CCDC7: variants seen among roughly 807,000 people sequenced by gnomAD.
The protein encoded by CCDC7 is coiled-coil domain-containing protein 7.
In CCDC7, 183 loss-of-function variants were observed where a neutral mutation model predicts 196.9. The ratio of observed to expected loss-of-function variants is 0.93; its 90% CI spans 0.82 to 1.05. The LOEUF (loss-of-function observed/expected upper bound fraction) is 1.05. Ranked by LOEUF, CCDC7 falls within the 50% of genes least tolerant of loss-of-function variation. The pLI, the probability that CCDC7 is intolerant of heterozygous loss-of-function variation, is 0.00. For missense variants in CCDC7, 1,540 were observed against 1,482.2 expected (o/e 1.04, Z -0.64); for synonymous variants, 525 against 484.6 (o/e 1.08, Z -1.10).
At chr10:32,494,627 T>C (rs546682370) in intron 9 of CCDC7, among the ~76,000 whole-genome samples, 1 of 152,282 alleles carries the variant, frequency 6.6e-6, no homozygotes, top group African/African-American at 2.4e-5. Flanking sequence ...CTCCCACTTA[T>C]GAGCGAGAAC....
At chr10:32,842,139 A>T (rs2093015143) in intron 33 of CCDC7, among the ~76,000 whole-genome samples, 1 of 152,136 alleles carries the variant, frequency 6.6e-6, no homozygotes, top group Non-Finnish European at 1.5e-5. Flanking sequence ...ACAGCAAAAG[A>T]AATTATCAGC....
intron 28 of CCDC7, among the ~76,000 whole-genome samples, chr10:32,774,290 C>CT (rs764117469): frequency 8.7e-4 from 127 of 145,708 alleles, no homozygotes; most frequent in East Asian, 1.2e-3. Context: ...GAACCTTCCC[C>CT]TTTTTTTTTT....
At chr10:32,818,839 C>G in intron 31 of CCDC7, among the ~76,000 whole-genome samples, 1 of 152,114 alleles carries the variant, frequency 6.6e-6, no homozygotes, top group Non-Finnish European at 1.5e-5. Flanking sequence ...ATTTATAGCA[C>G]TAATACCCAC....
chr10:32,804,686 G>A (rs1281853362), intron 29 of CCDC7, among the ~76,000 whole-genome samples: 1 of 152,076 alleles, frequency 6.6e-6, no homozygotes, highest in Non-Finnish European at 1.5e-5. Context: ...AATTCTGTAG[G>A]ATATTTTAAT....
chr10:32,493,558 A>G lies in CCDC7; in HGVS notation c.872+1561A>G, dbSNP rs189979211. Among the ~76,000 whole-genome samples, 512 of 151,942 alleles carry G rather than the reference A, an allele frequency of 3.4e-3. 5 individuals are homozygous for G. The highest frequency in any genetic ancestry group is 0.012 in the African/African-American group (484 of 41,502). On this transcript the variant is annotated intron_variant, in intron 9 of 41. Transcript: ENST00000639629. ...ATTTCCTTTAGATGTATACTCAGAA[A>G]TGGAATTTTTTGGTCATTCGGTAGT...
At chr10:32,707,132 C>T (rs535298871) in intron 24 of CCDC7, among the ~76,000 whole-genome samples, 43 of 152,236 alleles carry the variant, frequency 2.8e-4, no homozygotes, top group African/African-American at 8.4e-4. Context: ...ATTGCTAAGC[C>T]GGCTTCATCC....
At chr10:32,564,114 C>G (rs2056330642) in intron 13 of CCDC7, among the ~76,000 whole-genome samples, 1 of 152,120 alleles carries the variant, frequency 6.6e-6, no homozygotes, top group Non-Finnish European at 1.5e-5. Flanking sequence ...CCATCTCACA[C>G]CAGTTAGAAT....
intron 41 of CCDC7, among the ~76,000 whole-genome samples, chr10:32,857,507 TA>T (rs1213862617): frequency 1.3e-5 from 2 of 152,110 alleles, no homozygotes; most frequent in Non-Finnish European, 2.9e-5. Flanking sequence ...GTAGAAGTTT[TA>T]AAACATGCTC....
At chr10:32,790,772 C>CTAAAAA (rs1381310467) in intron 29 of CCDC7, among the ~76,000 whole-genome samples, 1 of 152,162 alleles carries the variant, frequency 6.6e-6, no homozygotes, top group African/African-American at 2.4e-5. Flanking sequence ...AAGAGTGCCT[C>CTAAAAA]AGAGTCAGAG....
intron 14 of CCDC7, among the ~76,000 whole-genome samples, chr10:32,566,367 A>G (rs1171783149): frequency 6.6e-6 from 1 of 152,162 alleles, no homozygotes; most frequent in Non-Finnish European, 1.5e-5. Flanking sequence ...CTAAAGAAGA[A>G]AAAAGTGTAC....
rs1589218918 is a variant in CCDC7, at chr10:32,498,942, G to T, written c.872+6945G>T. On this transcript the variant is annotated intron_variant, in intron 9 of 41. Transcript: ENST00000639629. ...ATTTGAATGTTGGCCTGCCTTGCTA[G>T]ATTGGGGTAGTTCTCCTGTATAATA... Among the ~76,000 whole-genome samples the T allele has an allele frequency of 2.0e-5, 3 of 152,082 alleles. No homozygotes were observed. The East Asian group carries it at 5.8e-4, about 29-fold the overall frequency.
chr10:32,876,509 A>T (rs1249497542), downstream of CCDC7: 2 of 976,680 alleles, frequency 2.0e-6, no homozygotes, highest in Non-Finnish European at 3.1e-6. Context: ...GATGGTGCTT[A>T]TTGAAAAACA....
intron 9 of CCDC7, among the ~76,000 whole-genome samples, chr10:32,504,558 A>G (rs1181742015): frequency 6.6e-6 from 1 of 152,136 alleles, no homozygotes; most frequent in Non-Finnish European, 1.5e-5. Flanking sequence ...TAAACTTCCC[A>G]CTTAGAACTG....
At chr10:32,608,094 A>G (rs1298236488) in intron 18 of CCDC7, among the ~76,000 whole-genome samples, 3 of 152,018 alleles carry the variant, frequency 2.0e-5, no homozygotes, top group Non-Finnish European at 4.4e-5. Flanking sequence ...ATTTGTTAGC[A>G]TATAGTTTTT....
chr10:32,880,610 C>A (rs907233794), downstream of CCDC7, among the ~76,000 whole-genome samples: 1 of 152,180 alleles, frequency 6.6e-6, no homozygotes, highest in South Asian at 2.1e-4. Context: ...ATCATGAAAT[C>A]TTTGCCCATG....
chr10:32,734,855 G>A (rs1048828533), intron 28 of CCDC7, among the ~76,000 whole-genome samples: 1 of 151,980 alleles, frequency 6.6e-6, no homozygotes, highest in African/African-American at 2.4e-5. Flanking sequence ...CTGAGATTGT[G>A]CCACTGCGCT....
At chr10:32,585,240 A>T (rs1340886223) in intron 18 of CCDC7, among the ~76,000 whole-genome samples, 3 of 151,926 alleles carry the variant, frequency 2.0e-5, no homozygotes, top group African/African-American at 4.8e-5. Context: ...TGCCCAGCTA[A>T]TTTTTTATAT....
At chr10:32,723,115 C>T (rs533387084) in intron 25 of CCDC7, among the ~76,000 whole-genome samples, 15 of 152,240 alleles carry the variant, frequency 9.9e-5, no homozygotes, top group African/African-American at 3.4e-4. Context: ...CCATGGCTCA[C>T]TACCTTGCCA....
At chr10:32,729,480 T>C in intron 28 of CCDC7, 23 bp downstream of exon 29, 2 of 1,068,062 alleles carry the variant, frequency 1.9e-6, no homozygotes, top group Admixed American at 5.5e-5. Context: ...TTATAAATCT[T>C]ATAAATTGTT....
Sources: gnomAD v4.1 joint callset for allele counts (sites outside exome capture counted in the v4.1 genomes callset) on GRCh38, gnomAD v4.1.1 for gene constraint, MANE v1.5 for transcripts, NCBI Gene and HGNC (gene_info 2026-07-23, HGNC 2026-07-21) for gene names.